Variants in BICRA observed in about 807,000 individuals in gnomAD.
BICRA encodes BRD4-interacting chromatin-remodeling complex-associated protein.
In BICRA, 31 loss-of-function variants were observed where a neutral mutation model predicts 96.9. That is an observed-to-expected ratio of 0.32 (90% CI 0.24 to 0.43). The LOEUF is 0.43. Among genes scored for constraint, BICRA ranks in the 20% least tolerant of loss-of-function variants. The pLI is 1.00. For synonymous variants in BICRA, 1,350 were observed against 1,071.8 expected, an observed-to-expected ratio of 1.26 and a Z score of -5.07; for missense variants, 2,283 against 2,190.3, an observed-to-expected ratio of 1.04 and a Z score of -0.84.
intron 1 of BICRA, chr19:47,663,302 C>G (rs767274584): frequency 6.6e-5 from 10 of 152,284 alleles, no homozygotes; most frequent in African/African-American, 1.2e-4. Flanking sequence ...GCAGGAGTCA[C>G]TTGAACCTGG....
At chr19:47,667,123 A>G (rs1314973081) in intron 1 of BICRA, among the ~76,000 whole-genome samples, 1 of 149,452 alleles carries the variant, frequency 6.7e-6, no homozygotes, top group Non-Finnish European at 1.5e-5. Context: ...GGTTCACGCC[A>G]TTCTCCTGCC....
chr19:47,682,184 C>A (rs772603369), intron 7 of BICRA, 32 bp downstream of exon 7: 3 of 1,058,768 alleles, frequency 2.8e-6, no homozygotes, highest in East Asian at 2.5e-5. Context: ...GTGTCCGCAG[C>A]ACAGACCCAG....
At chr19:47,620,476 G>C (rs1488621668) in intron 1 of BICRA, among the ~76,000 whole-genome samples, 1 of 151,808 alleles carries the variant, frequency 6.6e-6, no homozygotes, top group Non-Finnish European at 1.5e-5. Flanking sequence ...AGACCAGCTT[G>C]GGCAACATGG....
Position 47,680,375 on chromosome 19 carries a change from CG to C in BICRA, c.1209del (p.Lys404ArgfsTer40). On this transcript the variant is annotated frameshift_variant, in exon 6 of 15. Transcript: ENST00000594866. LOFTEE classifies it high-confidence loss of function. Reference protein sequence around the residue: ...KAPQNLTFMAAGKAGQNVVLS... With the variant: ...KAPQNLTFMAXGKAGQNVVLS... ...CCGCAGAACCTGACGTTCATGGCGG[CG>C]GGGAAGGCGGGCCAGAACGTGGTGC... 6.5e-7 allele frequency: 1 copy of C among 1,529,328 alleles called. No homozygotes were observed. 94.7% of individuals were successfully genotyped at this position (1,529,328 alleles called of 1,614,324 possible).
intron 1 of BICRA, among the ~76,000 whole-genome samples, chr19:47,633,080 C>CTTTT (rs34761702): frequency 1.9e-4 from 18 of 93,220 alleles, no homozygotes; most frequent in African/African-American, 4.0e-4. Flanking sequence ...GATTTTATTT[C>CTTTT]TTTTTTTTTT....
intron 1 of BICRA, among the ~76,000 whole-genome samples, chr19:47,650,108 A>C (rs551764627): frequency 1.3e-4 from 20 of 151,902 alleles, no homozygotes; most frequent in Non-Finnish European, 1.5e-5. Flanking sequence ...GCATGCCACC[A>C]TGCCTGGCTA....
At chr19:47,648,164 G>A (rs573507076) in intron 1 of BICRA, among the ~76,000 whole-genome samples, 42 of 151,858 alleles carry the variant, frequency 2.8e-4, no homozygotes, top group Non-Finnish European at 5.0e-4. Flanking sequence ...CTTCTGTGCC[G>A]ATGCCCAGTT....
intron 1 of BICRA, among the ~76,000 whole-genome samples, chr19:47,639,945 G>A (rs1413066868): frequency 6.6e-6 from 1 of 152,108 alleles, no homozygotes; most frequent in East Asian, 1.9e-4. Flanking sequence ...TGCCCAGCCT[G>A]CTGTTCTTTC....
Position 47,680,051 on chromosome 19 carries a change from C to T in BICRA, c.881C>T (p.Ser294Leu), listed in dbSNP as rs752230602. ...GGCCTGGTCATCCAGAAGAACCTCTCGGCCGCTGTGGCCACCACGCTCAAT... is the reference window on the plus strand; with the variant it reads ...GGCCTGGTCATCCAGAAGAACCTCTTGGCCGCTGTGGCCACCACGCTCAAT... ...GAGLVIQKNL[S>L]AAVATTLNGN... The change falls in exon 6 of 15, where the codon TCG becomes TTG. Residue 294 changes from serine to leucine, a missense_variant. By Grantham distance (145) the Ser-to-Leu change is moderately radical. Coordinates refer to ENST00000594866, the MANE Select transcript of BICRA (RefSeq NM_001394372.1). 2 of 1,556,932 alleles carry T rather than the reference C, an allele frequency of 1.3e-6. No homozygotes were observed. Among genetic ancestry groups the T allele is most frequent in the East Asian group, 2.4e-5 (1 of 41,686 alleles).
Position 47,702,647 on chromosome 19 carries a change from G to A in BICRA, c.*232G>A. The A allele has an allele frequency of 1.9e-6, 1 of 527,364 alleles. No individual in the cohort carries two copies. Among genetic ancestry groups the A allele is most frequent in the Non-Finnish European group, 3.3e-6 (1 of 306,664 alleles). The allele number at this position is 527,364 out of a possible 1,614,324, so 32.7% of individuals were successfully genotyped here. On this transcript the variant is annotated 3_prime_UTR_variant, in exon 15 of 15. Coordinates refer to ENST00000594866, the MANE Select transcript of BICRA (RefSeq NM_001394372.1). ...GATGTAAAACGTCTCCCCTGCCAAA[G>A]GAGGGGCAAAGTGCTGTGTCAGTTC... is the stretch of plus-strand genomic sequence containing the variant.
intron 7 of BICRA, among the ~76,000 whole-genome samples, chr19:47,686,133 G>A (rs1032796942): frequency 6.6e-6 from 1 of 152,032 alleles, no homozygotes; most frequent in Non-Finnish European, 1.5e-5. Flanking sequence ...TTTTCTCCAT[G>A]TTGGCCAGGC....
At position 47,680,394 on chromosome 19, in the gene BICRA, C is replaced by T. The variant is rs780989056; in HGVS notation, c.1224C>T (p.Asn408=). The change falls in exon 6 of 15, where the codon AAC becomes AAT. Residue 408 remains asparagine, a synonymous_variant. Transcript: ENST00000594866. The part of the protein sequence containing the change: ...TFMAAGKAGQ[N]VVLSGFPAPA... ...TGGCGGCGGGGAAGGCGGGCCAGAACGTGGTGCTGTCGGGCTTCCCCGCGC... is the reference window on the plus strand; with the variant it reads ...TGGCGGCGGGGAAGGCGGGCCAGAATGTGGTGCTGTCGGGCTTCCCCGCGC... 1.8e-5 allele frequency: 27 copies of T among 1,533,700 alleles called. No individual in the cohort carries two copies. The African/African-American group carries it at 3.4e-4, about 19-fold the overall frequency.
intron 1 of BICRA, among the ~76,000 whole-genome samples, chr19:47,636,898 C>T (rs1337930651): frequency 6.6e-6 from 1 of 152,120 alleles, no homozygotes; most frequent in Non-Finnish European, 1.5e-5. Context: ...CTCACTTCAG[C>T]CACACCAACC....
chr19:47,647,546 T>C (rs1972477946), intron 1 of BICRA, among the ~76,000 whole-genome samples: 2 of 152,068 alleles, frequency 1.3e-5, no homozygotes, highest in Admixed American at 6.6e-5. Context: ...ATGCATAAAG[T>C]TGGGATTCCA....
intron 1 of BICRA, among the ~76,000 whole-genome samples, chr19:47,651,565 A>G (rs1972541446): frequency 6.6e-6 from 1 of 152,174 alleles, no homozygotes; most frequent in African/African-American, 2.4e-5. Context: ...CTGGGAGAGC[A>G]GGGATGACTT....
chr19:47,669,508 A>G (rs1405346513), intron 1 of BICRA, among the ~76,000 whole-genome samples: 2 of 152,082 alleles, frequency 1.3e-5, no homozygotes, highest in African/African-American at 4.8e-5. Context: ...TAAATGACAT[A>G]GTATAATGTT....
chr19:47,684,998 T>G (rs1973122748), intron 7 of BICRA, among the ~76,000 whole-genome samples: 1 of 152,124 alleles, frequency 6.6e-6, no homozygotes, highest in African/African-American at 2.4e-5. Context: ...GGAAACAGGG[T>G]CTGGTTCTGT....
chr19:47,691,877 A>G (rs1020891321), intron 7 of BICRA, among the ~76,000 whole-genome samples: 2 of 152,120 alleles, frequency 1.3e-5, no homozygotes, highest in East Asian at 1.9e-4. Flanking sequence ...TTAATATTTT[A>G]GTATAATATT....
Position 47,682,000 on chromosome 19 carries a change from G to A in BICRA, c.2131G>A (p.Ala711Thr), listed in dbSNP as rs553083032. 1.5e-5 allele frequency: 24 copies of A among 1,570,218 alleles called. No homozygotes were observed. The highest frequency in any genetic ancestry group is 8.1e-5 in the South Asian group (7 of 86,468). Residue 711 changes from alanine to threonine, a missense_variant, in exon 7 of 15, where the codon GCA becomes ACA. By Grantham distance (58) the Ala-to-Thr change is moderately conservative (BLOSUM62 0). Coordinates refer to ENST00000594866, the MANE Select transcript of BICRA (RefSeq NM_001394372.1). Reference protein sequence around the residue: ...PQERSQQPLSAEGPHLSVPAS... With the variant: ...PQERSQQPLSTEGPHLSVPAS... ...GGAGAGGAGCCAGCAGCCCCTCTCC[G>A]CAGAGGGCCCCCACCTCTCCGTGCC...
Sources: gnomAD v4.1 joint callset for allele counts (sites outside exome capture counted in the v4.1 genomes callset) on GRCh38, gnomAD v4.1.1 for gene constraint, MANE v1.5 for transcripts, NCBI Gene and HGNC (gene_info 2026-07-23, HGNC 2026-07-21) for gene names.